Variants in PDE1C observed in about 807,000 individuals in gnomAD.
PDE1C encodes dual specificity calcium/calmodulin-dependent 3',5'-cyclic nucleotide phosphodiesterase 1C.
In PDE1C, 62 loss-of-function variants were observed where a neutral mutation model predicts 93.1. The ratio of observed to expected loss-of-function variants is 0.67; its 90% CI spans 0.54 to 0.82. The LOEUF (loss-of-function observed/expected upper bound fraction) is 0.82, where lower values mean the gene tolerates loss of function less well. PDE1C is among the 40% of genes least tolerant of loss of function. The pLI, the probability that PDE1C is intolerant of heterozygous loss-of-function variation, is 0.00. For missense variants in PDE1C, 742 were observed against 884.6 expected, an observed-to-expected ratio of 0.84 and a Z score of 2.04; for synonymous variants, 325 against 310.1, an observed-to-expected ratio of 1.05 and a Z score of -0.50.
intron 1 of PDE1C, among the ~76,000 whole-genome samples, chr7:32,398,356 G>A (rs372664711): frequency 6.6e-6 from 1 of 151,582 alleles, no homozygotes; most frequent in Non-Finnish European, 1.5e-5. Context: ...GAACTGATAC[G>A]GGATGATTTC....
At chr7:31,730,571 G>C in the PDE1C span, among the ~76,000 whole-genome samples, 1 of 152,204 alleles carries the variant, frequency 6.6e-6, no homozygotes, top group Non-Finnish European at 1.5e-5. Flanking sequence ...GGTTAACTCA[G>C]TTAAATAAAC....
chr7:32,213,280 G>T (rs1292713865), intron 1 of PDE1C, among the ~76,000 whole-genome samples: 4 of 152,068 alleles, frequency 2.6e-5, no homozygotes, highest in African/African-American at 9.7e-5. Flanking sequence ...TTACTGGGGC[G>T]ATTGGAACAC....
chr7:31,920,836 C>T (rs112712854), intron 2 of PDE1C, among the ~76,000 whole-genome samples: 4,558 of 152,280 alleles, frequency 0.03, 76 homozygotes, highest in South Asian at 0.072. Flanking sequence ...AGCTATTCAT[C>T]CTATTTTCCT....
chr7:31,687,625 T>C, the PDE1C span, among the ~76,000 whole-genome samples: 1 of 152,186 alleles, frequency 6.6e-6, no homozygotes, highest in South Asian at 2.1e-4. Flanking sequence ...GAAAGTATGC[T>C]TCTCAAAACA....
chr7:31,789,842 T>C (rs555073578), intron 16 of PDE1C: 2 of 1,013,288 alleles, frequency 2.0e-6, no homozygotes, highest in South Asian at 4.6e-5. Context: ...AAATGGCAAT[T>C]ACTGTGTGTG....
At chr7:31,649,803 T>C in the PDE1C span, among the ~76,000 whole-genome samples, 1 of 152,200 alleles carries the variant, frequency 6.6e-6, no homozygotes, top group East Asian at 1.9e-4. Flanking sequence ...TGCCGGCAAA[T>C]GGACTGGGCT....
At chr7:31,698,066 C>T in the PDE1C span, among the ~76,000 whole-genome samples, 1 of 152,186 alleles carries the variant, frequency 6.6e-6, no homozygotes, top group African/African-American at 2.4e-5. Context: ...CTAGGTCTAT[C>T]TCACCTTTGG....
chr7:32,178,600 C>T (rs919590645), intron 2 of PDE1C, among the ~76,000 whole-genome samples: 1 of 152,150 alleles, frequency 6.6e-6, no homozygotes, highest in Non-Finnish European at 1.5e-5. Flanking sequence ...AATAATGCAG[C>T]TCAGGTGCAG....
chr7:32,270,443 A>G (rs1810884992), intron 1 of PDE1C, among the ~76,000 whole-genome samples: 1 of 152,202 alleles, frequency 6.6e-6, no homozygotes, highest in African/African-American at 2.4e-5. Context: ...AGAAAAATAT[A>G]AAAGGCTTCT....
chr7:31,629,202 T>A, the PDE1C span, among the ~76,000 whole-genome samples: 2 of 152,230 alleles, frequency 1.3e-5, no homozygotes, highest in South Asian at 4.1e-4. Context: ...CTATTCAAAA[T>A]CGGATCTGCC....
At position 32,147,984 on chromosome 7, in the gene PDE1C, T is replaced by TAAAAAAAAAAAAAAAAAAAA. The variant is rs752433564; in HGVS notation, c.308+21781_308+21800dup. 6.2e-3 allele frequency among the ~76,000 whole-genome samples: 497 copies of TAAAAAAAAAAAAAAAAAAAA among 79,670 alleles called. 44 individuals are homozygous for TAAAAAAAAAAAAAAAAAAAA. The highest frequency in any genetic ancestry group is 9.0e-3 in the Non-Finnish European group (402 of 44,736). The allele number at this position is 79,670 out of a possible 152,430, so 52.3% of individuals were successfully genotyped here. A position where few individuals can be genotyped will look rare whatever the true frequency, so the allele number is the denominator to read the frequency against. ...AACTTGCCTCTCAACCCATTTATGC[T>TAAAAAAAAAAAAAAAAAAAA]AAAAAAAAAAAAAAAAAAAAAGCCT... On this transcript the variant is annotated intron_variant, in intron 3 of 18. Coordinates refer to the PDE1C transcript ENST00000396193.
the PDE1C span, among the ~76,000 whole-genome samples, chr7:31,721,256 T>C: frequency 6.6e-6 from 1 of 152,220 alleles, no homozygotes; most frequent in Non-Finnish European, 1.5e-5. Flanking sequence ...AGAGCTCCTG[T>C]TATCTTGGTG....
Position 32,286,188 on chromosome 7 carries a change from T to C in PDE1C, c.85+12463A>G, listed in dbSNP as rs1355188071. 2.0e-5 allele frequency among the ~76,000 whole-genome samples: 3 copies of C among 152,192 alleles called. No homozygotes were observed. The East Asian group carries it at 5.8e-4, about 29-fold the overall frequency. ...CTTATAAAGTCATAAACTCTCTCATTGGGATGTTAAGAGGAGATGATAGAT... is the reference window on the plus strand; with the variant it reads ...CTTATAAAGTCATAAACTCTCTCATCGGGATGTTAAGAGGAGATGATAGAT... On this transcript the variant is annotated intron_variant, in intron 1 of 18. Transcript: ENST00000396193.
At chr7:32,064,323 C>A (rs1457162965) in intron 1 of PDE1C, among the ~76,000 whole-genome samples, 1 of 152,166 alleles carries the variant, frequency 6.6e-6, no homozygotes, top group Non-Finnish European at 1.5e-5. Flanking sequence ...TTTATCCTAG[C>A]CTGCTCTTAT....
chr7:31,819,802 T>C (rs1368865614), intron 14 of PDE1C, among the ~76,000 whole-genome samples: 1 of 152,104 alleles, frequency 6.6e-6, no homozygotes, highest in African/African-American at 2.4e-5. Context: ...TATCCCTTGA[T>C]ATAATTTTCT....
intron 2 of PDE1C, among the ~76,000 whole-genome samples, chr7:31,896,026 C>CACACAA (rs1799286584): frequency 6.6e-6 from 1 of 151,848 alleles, no homozygotes. Flanking sequence ...TACATACACA[C>CACACAA]ACAAACACAC....
chr7:31,675,453 A>T, the PDE1C span, among the ~76,000 whole-genome samples: 2 of 152,050 alleles, frequency 1.3e-5, no homozygotes, highest in African/African-American at 4.8e-5. Flanking sequence ...TGTTGTTGCT[A>T]ATAGCTGGCT....
intron 3 of PDE1C, among the ~76,000 whole-genome samples, chr7:32,123,251 A>G (rs1438111182): frequency 6.6e-6 from 1 of 152,178 alleles, no homozygotes; most frequent in Non-Finnish European, 1.5e-5. Flanking sequence ...GCCTAGTACC[A>G]CATGCATTCA....
intron 2 of PDE1C, among the ~76,000 whole-genome samples, chr7:32,174,194 C>A (rs17160950): frequency 0.12 from 17,705 of 152,098 alleles, 1,184 homozygotes; most frequent in South Asian, 0.18. Flanking sequence ...TAAACCTGAT[C>A]TAAATGAAGG....
Sources: allele counts gnomAD v4.1 joint callset (sites outside exome capture counted in the v4.1 genomes callset), GRCh38; gene constraint gnomAD v4.1.1; transcripts MANE v1.5; gene names NCBI Gene and HGNC (gene_info 2026-07-23, HGNC 2026-07-21).